GALNTL6: variants seen among roughly 807,000 people sequenced by gnomAD.
The protein encoded by GALNTL6 is polypeptide N-acetylgalactosaminyltransferase-like 6.
In GALNTL6, 46 loss-of-function variants were observed where a neutral mutation model predicts 73.7. The ratio of observed to expected loss-of-function variants is 0.62; its 90% CI spans 0.49 to 0.80. The LOEUF is 0.80. Among genes scored for constraint, GALNTL6 ranks in the 30% least tolerant of loss-of-function variants. The pLI is 0.00. For missense variants in GALNTL6, 604 were observed against 755.0 expected (o/e 0.80, Z 2.34); for synonymous variants, 259 against 263.7 (o/e 0.98, Z 0.17).
chr4:172,526,184 TTATA>T (rs1230865913), intron 5 of GALNTL6, among the ~76,000 whole-genome samples: 2 of 152,212 alleles, frequency 1.3e-5, no homozygotes, highest in South Asian at 2.1e-4. Flanking sequence ...AGCTTCCTAT[TTATA>T]TATTTAAGAG....
chr4:172,187,300 G>A (rs893839795), intron 2 of GALNTL6, among the ~76,000 whole-genome samples: 25 of 151,956 alleles, frequency 1.6e-4, no homozygotes, highest in African/African-American at 5.8e-4. Flanking sequence ...GATGCTTTGG[G>A]AGTCTATTTT....
chr4:172,755,848 A>C (rs1349930868), intron 5 of GALNTL6, among the ~76,000 whole-genome samples: 3 of 152,174 alleles, frequency 2.0e-5, no homozygotes, highest in Non-Finnish European at 4.4e-5. Context: ...TGTGCCTTGA[A>C]TTCACCATAT....
chr4:172,397,799 G>C (rs1048483396), intron 5 of GALNTL6, among the ~76,000 whole-genome samples: 5 of 151,910 alleles, frequency 3.3e-5, no homozygotes, highest in African/African-American at 9.7e-5. Flanking sequence ...GGATGGTCTC[G>C]ATCTCTTGAC....
In GALNTL6 at chr4:171,885,382, C is replaced by T. The variant is rs71607857; in HGVS notation, c.138+70664C>T. The stretch of plus-strand genomic sequence containing the variant: ...AAGAGTAGGAAAATATTTTTGTCTA[C>T]AGAGTTAATCTTGATATTTATGTTT... On this transcript the variant is annotated intron_variant, in intron 2 of 12. Coordinates refer to ENST00000506823, the MANE Select transcript of GALNTL6 (RefSeq NM_001034845.3). 9.5e-3 allele frequency among the ~76,000 whole-genome samples: 1,442 copies of T among 152,294 alleles called. 8 individuals carry two copies. Among genetic ancestry groups the T allele is most frequent in the Non-Finnish European group, 0.017 (1,138 of 68,024 alleles).
intron 8 of GALNTL6, among the ~76,000 whole-genome samples, chr4:172,921,085 G>C (rs1229764099): frequency 6.6e-6 from 1 of 152,172 alleles, no homozygotes; most frequent in African/African-American, 2.4e-5. Context: ...AAACCGCCAA[G>C]ATAATGCCCG....
At chr4:172,169,729 A>C (rs541503128) in intron 2 of GALNTL6, among the ~76,000 whole-genome samples, 1 of 152,314 alleles carries the variant, frequency 6.6e-6, no homozygotes, top group African/African-American at 2.4e-5. Context: ...TAGAAAGGGC[A>C]ATTGATTTGT....
At chr4:171,817,580 C>T (rs1235441569) in intron 2 of GALNTL6, among the ~76,000 whole-genome samples, 2 of 151,568 alleles carry the variant, frequency 1.3e-5, no homozygotes, top group African/African-American at 2.4e-5. Context: ...CTTTTTTTCT[C>T]TAATCTACTG....
intron 2 of GALNTL6, among the ~76,000 whole-genome samples, chr4:171,896,262 T>C (rs1046179084): frequency 6.6e-6 from 1 of 152,272 alleles, no homozygotes; most frequent in Non-Finnish European, 1.5e-5. Context: ...AATTTCTTAA[T>C]ACTGCATATT....
At chr4:171,822,374 T>A (rs1734708618) in intron 2 of GALNTL6, among the ~76,000 whole-genome samples, 1 of 152,188 alleles carries the variant, frequency 6.6e-6, no homozygotes, top group South Asian at 2.1e-4. Flanking sequence ...TAGGTGGGCC[T>A]CATCCCTTAC....
intron 5 of GALNTL6, among the ~76,000 whole-genome samples, chr4:172,464,515 C>G (rs145939738): frequency 0.019 from 2,915 of 152,058 alleles, 86 homozygotes; most frequent in African/African-American, 0.065. Context: ...CAAGACCAGC[C>G]TGGCCAACAT....
chr4:172,721,632 A>ATACACAC (rs1162222469), intron 5 of GALNTL6, among the ~76,000 whole-genome samples: 1 of 152,216 alleles, frequency 6.6e-6, no homozygotes, highest in Non-Finnish European at 1.5e-5. Flanking sequence ...GGCATGACAG[A>ATACACAC]ATCATTAAGG....
intron 2 of GALNTL6, among the ~76,000 whole-genome samples, chr4:171,894,325 C>G (rs577933199): frequency 1.5e-4 from 23 of 151,974 alleles, no homozygotes; most frequent in Non-Finnish European, 3.2e-4. Flanking sequence ...AGGGCTCACT[C>G]CCCAGGTGGG....
chr4:172,067,278 G>A (rs1455864414), intron 2 of GALNTL6, among the ~76,000 whole-genome samples: 1 of 151,972 alleles, frequency 6.6e-6, no homozygotes, highest in Non-Finnish European at 1.5e-5. Flanking sequence ...TTCTCTGTCA[G>A]TCTTCTAAAT....
At chr4:172,919,600 A>C (rs1222860909) in intron 8 of GALNTL6, among the ~76,000 whole-genome samples, 1 of 152,246 alleles carries the variant, frequency 6.6e-6, no homozygotes, top group Non-Finnish European at 1.5e-5. Context: ...GTTCCACTAC[A>C]GAAAGTCAAC....
chr4:172,776,463 GA>G (rs1167958020), intron 5 of GALNTL6, among the ~76,000 whole-genome samples: 4 of 152,158 alleles, frequency 2.6e-5, no homozygotes, highest in Non-Finnish European at 5.9e-5. Flanking sequence ...TAAAGAGGGT[GA>G]AACAGAACTT....
At chr4:172,781,163 G>T (rs943404652) in intron 5 of GALNTL6, among the ~76,000 whole-genome samples, 1 of 152,202 alleles carries the variant, frequency 6.6e-6, no homozygotes, top group Non-Finnish European at 1.5e-5. Flanking sequence ...TATAGCAACA[G>T]GAGAGCAGCG....
chr4:172,694,392 G>A, intron 5 of GALNTL6, among the ~76,000 whole-genome samples: 1 of 152,128 alleles, frequency 6.6e-6, no homozygotes, highest in East Asian at 1.9e-4. Flanking sequence ...AGAACATGCA[G>A]TGTTTTGTTT....
intron 12 of GALNTL6, among the ~76,000 whole-genome samples, chr4:173,036,387 G>A (rs1414729847): frequency 2.6e-5 from 4 of 152,086 alleles, no homozygotes; most frequent in Non-Finnish European, 5.9e-5. Flanking sequence ...AAACCCATGA[G>A]TGCCACAAAG....
intron 7 of GALNTL6, among the ~76,000 whole-genome samples, chr4:172,879,876 C>T (rs1340495312): frequency 2.0e-5 from 3 of 151,882 alleles, no homozygotes. Context: ...TCTAGCCAGA[C>T]TTACTAGGAA....
Sources: allele counts gnomAD v4.1 joint callset (sites outside exome capture counted in the v4.1 genomes callset), GRCh38; gene constraint gnomAD v4.1.1; transcripts MANE v1.5; gene names NCBI Gene and HGNC (gene_info 2026-07-23, HGNC 2026-07-21).